PPDPFL: variants seen among roughly 807,000 people sequenced by gnomAD.
The protein encoded by PPDPFL is pancreatic progenitor cell differentiation and proliferation factor-like protein.
A neutral mutation model predicts 12.6 loss-of-function variants in PPDPFL; 12 were observed. The observed-to-expected ratio is 0.95, with a 90% CI of 0.61 to 1.54. PPDPFL has a LOEUF of 1.54. Among genes scored for constraint, PPDPFL ranks in the 40% most tolerant of loss-of-function variants. The pLI, the probability that PPDPFL is intolerant of heterozygous loss-of-function variation, is 0.00. For missense variants in PPDPFL, 114 were observed against 96.0 expected, an observed-to-expected ratio of 1.19 and a Z score of -0.78; for synonymous variants, 24 against 32.7, an observed-to-expected ratio of 0.73 and a Z score of 0.91.
chr8:49,070,344 A>G (rs1808358091), upstream of PPDPFL, among the ~76,000 whole-genome samples: 1 of 152,198 alleles, frequency 6.6e-6, no homozygotes, highest in South Asian at 2.1e-4. Context: ...ATGCCACAAC[A>G]CGTGTTACCT....
intron 1 of PPDPFL, among the ~76,000 whole-genome samples, chr8:49,054,984 A>G (rs1231217907): frequency 6.6e-6 from 1 of 152,152 alleles, no homozygotes; most frequent in African/African-American, 2.4e-5. Flanking sequence ...GGCTGAGGCC[A>G]GTCTCCAGTC....
chr8:49,061,126 G>T (rs1808193804), intron 1 of PPDPFL, among the ~76,000 whole-genome samples: 1 of 152,194 alleles, frequency 6.6e-6, no homozygotes, highest in African/African-American at 2.4e-5. Context: ...AGCTCAAGCA[G>T]GATGGCATGG....
At chr8:49,064,992 A>G (rs1808272023) in intron 1 of PPDPFL, among the ~76,000 whole-genome samples, 1 of 152,206 alleles carries the variant, frequency 6.6e-6, no homozygotes, top group Non-Finnish European at 1.5e-5. Context: ...TAGGCTTCCA[A>G]ATTATCAGTA....
intron 1 of PPDPFL, among the ~76,000 whole-genome samples, chr8:49,060,836 C>G (rs767783354): frequency 2.0e-5 from 3 of 151,928 alleles, no homozygotes; most frequent in Non-Finnish European, 4.4e-5. Context: ...ACTTTTTTCC[C>G]TTAGCATACA....
intron 1 of PPDPFL, among the ~76,000 whole-genome samples, chr8:49,058,917 A>T (rs1003127984): frequency 6.6e-6 from 1 of 152,168 alleles, no homozygotes; most frequent in African/African-American, 2.4e-5. Flanking sequence ...TATCTCCACC[A>T]ATTGGACTAT....
At chr8:49,063,835 T>C (rs1469387249) in intron 1 of PPDPFL, among the ~76,000 whole-genome samples, 3 of 152,074 alleles carry the variant, frequency 2.0e-5, no homozygotes, top group Admixed American at 1.3e-4. Flanking sequence ...ATTCCCTGGA[T>C]TGGGGGGAAG....
At chr8:49,071,069 TTG>T (rs1221521580), upstream of PPDPFL, among the ~76,000 whole-genome samples, 2 of 152,168 alleles carry the variant, frequency 1.3e-5, no homozygotes, top group Non-Finnish European at 2.9e-5. Flanking sequence ...CACTCTTCTG[TTG>T]TCTGTTTCAG....
At chr8:49,058,717 C>G (rs1808148994) in intron 1 of PPDPFL, among the ~76,000 whole-genome samples, 1 of 152,166 alleles carries the variant, frequency 6.6e-6, no homozygotes, top group African/African-American at 2.4e-5. Context: ...ATAAGAAAGA[C>G]AACTGGTTTC....
chr8:49,060,190 CAT>C (rs971698785), intron 1 of PPDPFL, among the ~76,000 whole-genome samples: 3 of 151,980 alleles, frequency 2.0e-5, no homozygotes, highest in African/African-American at 7.3e-5. Context: ...AAATAAATAA[CAT>C]ATAATTTAAT....
In PPDPFL at chr8:49,058,438, A is replaced by G. The variant is rs546726003; in HGVS notation, c.-45+4069A>G. Among the ~76,000 whole-genome samples, 36 of 152,356 alleles carry G rather than the reference A, an allele frequency of 2.4e-4. 1 individual carries two copies. The highest frequency in any genetic ancestry group is 7.5e-4 in the African/African-American group (31 of 41,582). On this transcript the variant is annotated intron_variant, in intron 1 of 4. Transcript: ENST00000517663. ...GAATACCAAGCGGGAAACTGAATCA[A>G]TGCATGTGCCATCTTGGAAACCAAA...
chr8:49,075,241 C>G lies in PPDPFL; in HGVS notation c.*68C>G, dbSNP rs1383786864. ...GGTTGCCTGCCTTATGTAGCATGAACAGTTGATTCTGACAATCAAGATCCT... is the reference window on the plus strand; with the variant it reads ...GGTTGCCTGCCTTATGTAGCATGAAGAGTTGATTCTGACAATCAAGATCCT... On this transcript the variant is annotated 3_prime_UTR_variant, in exon 5 of 5. Transcript: ENST00000522267. The G allele has an allele frequency of 4.3e-6, 7 of 1,613,978 alleles. No homozygotes were observed. Among genetic ancestry groups the G allele is most frequent in the Non-Finnish European group, 5.1e-6 (6 of 1,179,876 alleles).
chr8:49,074,372 T>C, intron 4 of PPDPFL, 39 bp downstream of exon 4: 1 of 1,597,328 alleles, frequency 6.3e-7, no homozygotes, highest in East Asian at 2.2e-5. Context: ...AGTTCTTACT[T>C]AGTGAATGAA....
intron 1 of PPDPFL, among the ~76,000 whole-genome samples, chr8:49,061,986 C>T (rs997070692): frequency 1.3e-5 from 2 of 152,200 alleles, no homozygotes; most frequent in African/African-American, 2.4e-5. Flanking sequence ...GGGCTCTTTC[C>T]TTGCTTAAAA....
rs920833522 is a variant in PPDPFL at position 49,062,040 on chromosome 8, C to A, written c.-45+7671C>A. Among the ~76,000 whole-genome samples the A allele has an allele frequency of 8.9e-4, 135 of 152,350 alleles. 1 individual carries two copies. The highest frequency in any genetic ancestry group is 3.4e-3 in the Middle Eastern group (1 of 294). ...TGCTGGATCTACACCTATGTTCTAA[C>A]CTGCCCATTGGACAAATAACCTGCA... On this transcript the variant is annotated intron_variant, in intron 1 of 4. Transcript: ENST00000517663.
intron 1 of PPDPFL, among the ~76,000 whole-genome samples, chr8:49,064,308 T>C (rs1808259692): frequency 6.6e-6 from 1 of 152,102 alleles, no homozygotes; most frequent in Non-Finnish European, 1.5e-5. Context: ...GGGTAAACCA[T>C]TTGTCTCAGA....
chr8:49,064,110 T>A (rs181150025), intron 1 of PPDPFL, among the ~76,000 whole-genome samples: 2 of 152,122 alleles, frequency 1.3e-5, no homozygotes, highest in African/African-American at 4.8e-5. Context: ...ACTGGTACCA[T>A]GTGGCTTAAG....
At chr8:49,068,395 C>T (rs745865793), upstream of PPDPFL, among the ~76,000 whole-genome samples, 6 of 152,042 alleles carry the variant, frequency 3.9e-5, no homozygotes, top group Non-Finnish European at 8.8e-5. Context: ...AGAGAACACT[C>T]GAAATGAACC....
rs1563302555 is a variant in PPDPFL at position 49,075,198 on chromosome 8, G to T, written c.*25G>T. ...GCTGATCATCTTTGCACTGCCATTT[G>T]ATGAACATGTTGGTAACGGTTGCCT... is the stretch of plus-strand genomic sequence containing the variant. On this transcript the variant is annotated 3_prime_UTR_variant, in exon 5 of 5. Coordinates refer to ENST00000522267, the MANE Select transcript of PPDPFL (RefSeq NM_001256597.2). 1 of 1,613,950 alleles carries T rather than the reference G, an allele frequency of 6.2e-7. No homozygotes were observed. Among genetic ancestry groups the T allele is most frequent in the East Asian group, 2.2e-5 (1 of 44,882 alleles).
upstream of PPDPFL, among the ~76,000 whole-genome samples, chr8:49,068,309 G>A (rs1194727932): frequency 6.6e-6 from 1 of 152,184 alleles, no homozygotes; most frequent in Non-Finnish European, 1.5e-5. Context: ...TCAGGTGAGA[G>A]TGGTACCTGA....
Sources: gnomAD v4.1 joint callset for allele counts (sites outside exome capture counted in the v4.1 genomes callset) on GRCh38, gnomAD v4.1.1 for gene constraint, MANE v1.5 for transcripts, NCBI Gene and HGNC (gene_info 2026-07-23, HGNC 2026-07-21) for gene names.